The following KCNT1 variants were observed in gnomAD, a reference collection of about 807,000 sequenced individuals.
KCNT1 encodes potassium sodium-activated channel subfamily T member 1.
In KCNT1, 78 loss-of-function variants were observed where a neutral mutation model predicts 147.8. The observed-to-expected ratio is 0.53, with a 90% CI of 0.44 to 0.64. KCNT1 has a LOEUF of 0.64. KCNT1 is among the 30% of genes least tolerant of loss of function. The pLI is 0.00. For synonymous variants in KCNT1, 867 were observed against 748.8 expected (o/e 1.16, Z -2.58); for missense variants, 1,419 against 1,750.3 (o/e 0.81, Z 3.38).
rs149399297 is a variant in KCNT1 at position 135,756,243 on chromosome 9, C to T, written c.541-630C>T. 6.6e-3 allele frequency among the ~76,000 whole-genome samples: 1,004 copies of T among 152,260 alleles called. 15 individuals are homozygous for T. Among genetic ancestry groups the T allele is most frequent in the African/African-American group, 0.022 (934 of 41,556 alleles). The stretch of plus-strand genomic sequence containing the variant: ...CCGACCCAGGCTCTACTGCTCTCCA[C>T]ACAATTTTCCCAGGGATCCCTGAGG... On this transcript the variant is annotated intron_variant, in intron 6 of 30. Coordinates refer to ENST00000371757, the MANE Select transcript of KCNT1 (RefSeq NM_020822.3).
At chr9:135,745,166 A>C (rs749427062) in intron 2 of KCNT1, among the ~76,000 whole-genome samples, 13 of 152,130 alleles carry the variant, frequency 8.5e-5, no homozygotes, top group Non-Finnish European at 1.8e-4. Context: ...TGAACTGATG[A>C]GTGGATGAGA....
chr9:135,749,802 C>T (rs1219787480), intron 2 of KCNT1, among the ~76,000 whole-genome samples: 2 of 152,196 alleles, frequency 1.3e-5, no homozygotes, highest in Non-Finnish European at 2.9e-5. Context: ...GGAGTGAGTG[C>T]CGCACCCTGA....
In KCNT1 at chr9:135,768,662, C is replaced by A; in HGVS notation, c.1390C>A (p.Arg464Ser). The A allele has an allele frequency of 1.3e-6, 2 of 1,550,342 alleles. No individual in the cohort carries two copies. Among genetic ancestry groups the A allele is most frequent in the Non-Finnish European group, 1.7e-6 (2 of 1,146,788 alleles). Residue 464 changes from arginine (R) to serine (S), a missense_variant, in exon 14 of 31, where the codon CGC becomes AGC. Arg to Ser is a moderately radical substitution (Grantham distance 110, BLOSUM62 -1). This residue lies in a region of KCNT1 where 401 missense variants were observed against 610.6 expected (regional missense o/e 0.66). Transcript: ENST00000371757. ...CCTCAGCAGCAGGAACGAGGTGGAC[C>A]GCACGGCTGCAGTGAGTGAGGCTGA... is the stretch of plus-strand genomic sequence containing the variant. The part of the protein sequence containing the change: ...FILSSRNEVD[R>S]TAADHQTILR...
rs1588319023 is a variant in KCNT1, at chr9:135,755,620, T to G, written c.540+451T>G. Among the ~76,000 whole-genome samples the G allele has an allele frequency of 2.7e-5, 4 of 147,930 alleles. No individual in the cohort carries two copies. In the Middle Eastern group the frequency reaches 0.016, roughly 573 times the overall value. On this transcript the variant is annotated intron_variant, in intron 6 of 30. Coordinates refer to ENST00000371757, the MANE Select transcript of KCNT1 (RefSeq NM_020822.3). ...CAGGGGACCCAGGCTCAGTGAGCACTGAGGACAGACCCAGGCTCAGTAAGC... is the reference window on the plus strand; with the variant it reads ...CAGGGGACCCAGGCTCAGTGAGCACGGAGGACAGACCCAGGCTCAGTAAGC...
At chr9:135,777,550 C>T (rs780200706) in intron 21 of KCNT1, 40 bp downstream of exon 21, 3 of 1,487,620 alleles carry the variant, frequency 2.0e-6, no homozygotes, top group Non-Finnish European at 1.8e-6. Context: ...CCCACCCGGG[C>T]CCTCAGACCT....
chr9:135,732,006 A>G lies in KCNT1; in HGVS notation c.254+17286A>G, dbSNP rs75453532. ...TATATATATATAGAGAGAGAGAGAG[A>G]GAGAGAGAGAGAGAGAGAGAGAGAG... is the stretch of plus-strand genomic sequence containing the variant. On this transcript the variant is annotated intron_variant, in intron 2 of 30. Transcript: ENST00000371757. 1.6e-4 allele frequency among the ~76,000 whole-genome samples: 13 copies of G among 82,004 alleles called. 2 individuals are homozygous for G. The highest frequency in any genetic ancestry group is 5.4e-4 in the African/African-American group (12 of 22,092). 53.8% of individuals were successfully genotyped at this position (82,004 alleles called of 152,430 possible).
In KCNT1 at chr9:135,730,942, T is replaced by C. The variant is rs564470484; in HGVS notation, c.254+16222T>C. 1.5e-5 allele frequency among the ~76,000 whole-genome samples: 2 copies of C among 135,594 alleles called. No individual in the cohort carries two copies. The highest frequency in any genetic ancestry group is 8.2e-5 in the Admixed American group (1 of 12,146). The allele number at this position is 135,594 out of a possible 152,430, so 89.0% of individuals were successfully genotyped here. ...TCCAGGCTGCAGTGAGCGATGTTCA[T>C]GCCACTGCACTCCAGCCTGGGCAAC... On this transcript the variant is annotated intron_variant, in intron 2 of 30. Transcript: ENST00000371757. This position sits in a 1 kb window ranked among gnomAD's most constrained non-coding sequence, Gnocchi z 4.7.
At chr9:135,726,497 G>A (rs1393799756) in intron 2 of KCNT1, among the ~76,000 whole-genome samples, 1 of 152,084 alleles carries the variant, frequency 6.6e-6, no homozygotes, top group Non-Finnish European at 1.5e-5. Flanking sequence ...GCCTCAGTGG[G>A]TCCCTTGGTA....
intron 2 of KCNT1, among the ~76,000 whole-genome samples, chr9:135,731,320 G>C (rs1836422473): frequency 6.6e-6 from 1 of 152,146 alleles, no homozygotes; most frequent in Admixed American, 6.5e-5. Context: ...CTTCATTTTG[G>C]ATCACAGTGT....
chr9:135,731,975 T>TATATAC (rs1554766116), intron 2 of KCNT1, among the ~76,000 whole-genome samples: 1 of 26,444 alleles, frequency 3.8e-5, no homozygotes, highest in Non-Finnish European at 7.5e-5. Context: ...TATATATATA[T>TATATAC]ATATATATAT....
At chr9:135,787,958 C>G (rs1301173828) in intron 29 of KCNT1, 1 of 690,768 alleles carries the variant, frequency 1.4e-6, no homozygotes, top group Non-Finnish European at 2.7e-6. Context: ...AACTGCCTTT[C>G]TGGTGACCGA....
At chr9:135,763,163 G>A (rs1400959977) in intron 11 of KCNT1, among the ~76,000 whole-genome samples, 1 of 152,220 alleles carries the variant, frequency 6.6e-6, no homozygotes, top group Non-Finnish European at 1.5e-5. Context: ...GTGGGCCTGT[G>A]CTGTCCCTGG....
chr9:135,722,702 GC>G (rs1411820834), intron 2 of KCNT1, among the ~76,000 whole-genome samples: 2 of 152,216 alleles, frequency 1.3e-5, no homozygotes, highest in Non-Finnish European at 2.9e-5. Flanking sequence ...CATCTCTCAG[GC>G]TTGCACGTGG....
intron 1 of KCNT1, among the ~76,000 whole-genome samples, chr9:135,703,823 C>T (rs945790625): frequency 9.8e-5 from 15 of 152,346 alleles, no homozygotes; most frequent in East Asian, 1.9e-4. Context: ...CAGGCCTCAT[C>T]CTCCGGGTCC....
chr9:135,764,922 C>G (rs1832152195), intron 11 of KCNT1, 109 bp from the exon 12 acceptor site: 1 of 1,283,156 alleles, frequency 7.8e-7, no homozygotes, highest in Admixed American at 2.5e-5. Context: ...CCCGGCCGGC[C>G]CTGCCCCAGG....
intron 5 of KCNT1, among the ~76,000 whole-genome samples, chr9:135,754,581 G>T (rs547871869): frequency 6.6e-6 from 1 of 152,212 alleles, no homozygotes; most frequent in Non-Finnish European, 1.5e-5. Flanking sequence ...GCCCCTGTCC[G>T]CATCAGGCAA....
At chr9:135,765,275 C>A in intron 12 of KCNT1, 80 bp downstream of exon 12, 1 of 1,382,588 alleles carries the variant, frequency 7.2e-7, no homozygotes, top group Non-Finnish European at 1.0e-6. Flanking sequence ...GACTGCTTGG[C>A]AAGTCCCTGA....
intron 2 of KCNT1, among the ~76,000 whole-genome samples, chr9:135,732,750 A>C (rs372700312): frequency 2.5e-4 from 37 of 147,856 alleles, no homozygotes; most frequent in East Asian, 1.2e-3. Context: ...AGTCCAACCT[A>C]TCTCTCTCTC....
intron 1 of KCNT1, among the ~76,000 whole-genome samples, chr9:135,704,263 G>T (rs1835159106): frequency 6.6e-6 from 1 of 152,128 alleles, no homozygotes; most frequent in African/African-American, 2.4e-5. Flanking sequence ...TTTCCTGGGT[G>T]CTGGAGGATG....
Sources: allele counts gnomAD v4.1 joint callset (sites outside exome capture counted in the v4.1 genomes callset), GRCh38; gene constraint gnomAD v4.1.1; regional missense constraint gnomAD v4.1.1; non-coding constraint Gnocchi (gnomAD v3.1); transcripts MANE v1.5; gene names NCBI Gene and HGNC (gene_info 2026-07-23, HGNC 2026-07-21).